The following SYTL2 variants were observed in gnomAD, a reference collection of about 807,000 sequenced individuals.
SYTL2 encodes synaptotagmin like 2, also known as synaptotagmin-like protein 2.
Under a neutral mutation model 198.7 loss-of-function variants are expected in SYTL2, and 165 were observed. The ratio of observed to expected loss-of-function variants is 0.83; its 90% CI spans 0.73 to 0.94. SYTL2 has a LOEUF of 0.94. Among genes scored for constraint, SYTL2 ranks in the 40% least tolerant of loss-of-function variants. SYTL2 has a pLI of 0.00. For synonymous variants in SYTL2, 966 were observed against 917.7 expected (o/e 1.05, Z -0.95); for missense variants, 2,835 against 2,582.8 (o/e 1.10, Z -2.12).
chr11:85,828,893 T>C, the SYTL2 span, among the ~76,000 whole-genome samples: 2 of 152,190 alleles, frequency 1.3e-5, no homozygotes, highest in African/African-American at 4.8e-5. Context: ...CTGCCTGCTG[T>C]CTCAGATCAT....
At position 85,715,604 on chromosome 11, in the gene SYTL2, T is replaced by A. The variant is rs148994296; in HGVS notation, c.5531-1097A>T. On this transcript the variant is annotated intron_variant, in intron 11 of 19. Transcript: ENST00000359152. ...ATCTAATGAAGGAAAAACTAAAAAT[T>A]TAGCTACACGTACTAAAGATATCCT... Among the ~76,000 whole-genome samples, 1,440 of 152,254 alleles carry A rather than the reference T, an allele frequency of 9.5e-3. 11 individuals are homozygous for A. The highest frequency in any genetic ancestry group is 0.037 in the Middle Eastern group (11 of 294).
chr11:85,700,826 C>T (rs2084180342), intron 16 of SYTL2, among the ~76,000 whole-genome samples: 1 of 152,140 alleles, frequency 6.6e-6, no homozygotes. Context: ...TATTTCAAGG[C>T]CTTTAGTCTC....
At chr11:85,738,415 T>C (rs937489409) in intron 4 of SYTL2, among the ~76,000 whole-genome samples, 33 of 151,784 alleles carry the variant, frequency 2.2e-4, no homozygotes, top group African/African-American at 6.5e-4. Flanking sequence ...CCTGATTACA[T>C]AGAGGCGAGA....
At position 85,726,742 on chromosome 11, in the gene SYTL2, A is replaced by C; in HGVS notation, c.2616T>G (p.Tyr872Ter). 1 of 1,536,138 alleles carries C rather than the reference A, an allele frequency of 6.5e-7. No individual in the cohort carries two copies. The highest frequency in any genetic ancestry group is 8.7e-7 in the Non-Finnish European group (1 of 1,146,898). ...DDQASQLSNSYSSNKSKETKP... is the reference protein window; with the variant it reads ...DDQASQLSNS ...TGGTCTCTTTAGATTTATTTGAGGA[A>C]TAAGAATTGGAGAGCTGGGATGCTT... The change falls in exon 8 of 20, where the codon TAT becomes TAG. Residue 872 changes from tyrosine to a stop codon, truncating the protein, a stop_gained. Transcript: ENST00000359152. LOFTEE classifies it high-confidence loss of function.
chr11:85,720,826 G>T (rs759909248), intron 9 of SYTL2, 32 bp downstream of exon 9: 1 of 1,474,516 alleles, frequency 6.8e-7, no homozygotes, highest in Non-Finnish European at 9.5e-7. Flanking sequence ...GCTTAGATGG[G>T]GCATGAACAG....
intron 4 of SYTL2, among the ~76,000 whole-genome samples, chr11:85,738,716 C>G (rs76481236): frequency 0.03 from 4,508 of 152,236 alleles, 91 homozygotes; most frequent in Admixed American, 0.056. Context: ...TCCCTATAGT[C>G]GATGCTATGC....
chr11:85,830,960 A>G, the SYTL2 span, among the ~76,000 whole-genome samples: 2 of 152,186 alleles, frequency 1.3e-5, no homozygotes, highest in African/African-American at 4.8e-5. Flanking sequence ...ATATCTCAAA[A>G]TTCTTCGCCA....
intron 1 of SYTL2, among the ~76,000 whole-genome samples, chr11:85,762,913 C>A (rs1327085797): frequency 6.6e-6 from 1 of 151,956 alleles, no homozygotes; most frequent in East Asian, 1.9e-4. Context: ...CCAGCTCTTG[C>A]CACTGTCTTG....
At chr11:85,832,802 G>A in the SYTL2 span, among the ~76,000 whole-genome samples, 1 of 151,138 alleles carries the variant, frequency 6.6e-6, no homozygotes, top group African/African-American at 2.4e-5. Flanking sequence ...GACCAGCCTG[G>A]GCAACATAGT....
At chr11:85,813,754 A>G (rs1295257685), upstream of SYTL2, among the ~76,000 whole-genome samples, 1 of 116,030 alleles carries the variant, frequency 8.6e-6, no homozygotes, top group African/African-American at 3.4e-5. Flanking sequence ...CTTTTTTGGC[A>G]GGGTCTCACT....
rs1052473818 is a variant in SYTL2 at position 85,782,776 on chromosome 11, G to C, written c.-389-24662C>G. ...CTCTCTAGTTCAAATCTCTAAGACAGGGGCAAAATGCCACCAGTCTCTTTA... is the reference window on the plus strand; with the variant it reads ...CTCTCTAGTTCAAATCTCTAAGACACGGGCAAAATGCCACCAGTCTCTTTA... On this transcript the variant is annotated intron_variant, in intron 1 of 19. Transcript: ENST00000359152. Among the ~76,000 whole-genome samples, 4 of 152,116 alleles carry C rather than the reference G, an allele frequency of 2.6e-5. No homozygotes were observed. In the South Asian group the frequency reaches 6.2e-4, roughly 24 times the overall value.
the SYTL2 span, among the ~76,000 whole-genome samples, chr11:85,834,084 C>T: frequency 6.6e-6 from 1 of 151,962 alleles, no homozygotes; most frequent in East Asian, 1.9e-4. Flanking sequence ...TGAACATGAA[C>T]TTGCAATTAA....
At chr11:85,848,113 G>A in the SYTL2 span, among the ~76,000 whole-genome samples, 6 of 152,230 alleles carry the variant, frequency 3.9e-5, no homozygotes, top group East Asian at 1.2e-3. Context: ...GGTGGCACGT[G>A]CCTGTGGTCC....
At chr11:85,786,388 GC>G (rs2092636510) in intron 1 of SYTL2, among the ~76,000 whole-genome samples, 2 of 152,100 alleles carry the variant, frequency 1.3e-5, no homozygotes, top group Admixed American at 1.3e-4. Context: ...ATACACACAG[GC>G]CCATATGCAC....
chr11:85,696,281 G>C lies in SYTL2; in HGVS notation c.6476C>G (p.Pro2159Arg), dbSNP rs1460423344. The C allele has an allele frequency of 3.1e-6, 5 of 1,613,962 alleles. No individual in the cohort carries two copies. In the Admixed American group the frequency reaches 8.3e-5, roughly 27 times the overall value. The change falls in exon 19 of 20, where the codon CCT (proline) becomes CGT (arginine). Residue 2159 changes from proline (P) to arginine (R), a missense_variant. Pro to Arg is a moderately radical substitution (Grantham distance 103). Around this residue, in one of 3 missense-constraint regions of SYTL2, gnomAD observed 185 missense variants for 182.1 expected, o/e 1.02. Transcript: ENST00000359152. ...TACACAGGCTTCCATCAGATCTTCA[G>C]GCCTGAACCCATCATACACCATAGT... ...NHTMVYDGFRPEDLMEACVEL... is the reference protein window; with the variant it reads ...NHTMVYDGFRREDLMEACVEL...
chr11:85,821,039 T>A, the SYTL2 span, among the ~76,000 whole-genome samples: 4 of 152,202 alleles, frequency 2.6e-5, no homozygotes. Context: ...TCTGTCCTCA[T>A]GAAGTGTACT....
At chr11:85,745,908 A>G in intron 3 of SYTL2, 136 bp from the exon 4 acceptor site, 1 of 761,564 alleles carries the variant, frequency 1.3e-6, no homozygotes, top group Admixed American at 2.4e-5. Flanking sequence ...ACTGGGTCTA[A>G]GTAGTTGATC....
chr11:85,716,059 A>G (rs2153440075), intron 11 of SYTL2, among the ~76,000 whole-genome samples: 1 of 152,304 alleles, frequency 6.6e-6, no homozygotes, highest in African/African-American at 2.4e-5. Flanking sequence ...GGACAAATTA[A>G]TTTACCCAGA....
At chr11:85,760,238 C>T (rs563988916) in intron 1 of SYTL2, among the ~76,000 whole-genome samples, 1 of 152,304 alleles carries the variant, frequency 6.6e-6, no homozygotes, top group South Asian at 2.1e-4. Context: ...GGTATCCCTG[C>T]TGACCTATAG....
Sources: gnomAD v4.1 joint callset for allele counts (sites outside exome capture counted in the v4.1 genomes callset) on GRCh38, gnomAD v4.1.1 for gene constraint, gnomAD v4.1.1 regional missense constraint, MANE v1.5 for transcripts, NCBI Gene and HGNC (gene_info 2026-07-23, HGNC 2026-07-21) for gene names.